Variants in TFDP2 observed in about 807,000 individuals in gnomAD.
The protein encoded by TFDP2 is transcription factor Dp-2 (E2F dimerization partner 2).
TFDP2 carries 17 observed loss-of-function variants against 59.3 expected under a neutral mutation model. The observed-to-expected ratio is 0.29, with a 90% CI of 0.20 to 0.43. The LOEUF (loss-of-function observed/expected upper bound fraction) is 0.43. Ranked by LOEUF, TFDP2 falls within the 20% of genes least tolerant of loss-of-function variation. TFDP2 has a pLI of 1.00. For missense variants in TFDP2, 391 were observed against 528.8 expected (o/e 0.74, Z 2.56); for synonymous variants, 180 against 194.7 (o/e 0.92, Z 0.63).
At chr3:141,966,886 G>A (rs370211716) in intron 9 of TFDP2, among the ~76,000 whole-genome samples, 1 of 143,474 alleles carries the variant, frequency 7.0e-6, no homozygotes, top group African/African-American at 2.6e-5. Flanking sequence ...AAAATCAAGT[G>A]AGCTTAGCCA....
intron 3 of TFDP2, among the ~76,000 whole-genome samples, chr3:142,057,032 G>A (rs1280304602): frequency 6.6e-6 from 1 of 152,206 alleles, no homozygotes; most frequent in African/African-American, 2.4e-5. Flanking sequence ...GCTGATTAGA[G>A]GAGAACTGTG....
At chr3:141,974,275 C>T in intron 7 of TFDP2, 84 bp from the exon 8 acceptor site, 3 of 1,209,550 alleles carry the variant, frequency 2.5e-6, no homozygotes, top group Non-Finnish European at 3.3e-6. Flanking sequence ...ATTAATATTA[C>T]AACTTCAAAG....
intron 9 of TFDP2, 65 bp downstream of exon 9, chr3:141,970,008 A>C: frequency 6.7e-7 from 1 of 1,496,010 alleles, no homozygotes. Context: ...TAGAAAACAC[A>C]CTGACTCCAA....
chr3:142,099,808 A>C (rs2061268899), intron 2 of TFDP2, among the ~76,000 whole-genome samples: 1 of 152,174 alleles, frequency 6.6e-6, no homozygotes, highest in Admixed American at 6.5e-5. Context: ...TCCACTTGGA[A>C]GTTTTTAGGT....
At position 142,058,216 on chromosome 3, in the gene TFDP2, G is replaced by C. The variant is rs181258890; in HGVS notation, c.82+34845C>G. 3.3e-4 allele frequency among the ~76,000 whole-genome samples: 50 copies of C among 150,772 alleles called. No individual in the cohort carries two copies. The East Asian group carries it at 9.4e-3, about 28-fold the overall frequency. ...ATAACTAACCCTCGATATTAAAAGA[G>C]AGAAGCCAGTGATCATACACATAAA... On this transcript the variant is annotated intron_variant, in intron 3 of 12. Transcript: ENST00000489671.
At chr3:142,019,237 T>C (rs1945403862) in intron 3 of TFDP2, among the ~76,000 whole-genome samples, 1 of 152,030 alleles carries the variant, frequency 6.6e-6, no homozygotes, top group Non-Finnish European at 1.5e-5. Context: ...ACTAATTTTG[T>C]ATTTTTAGTA....
chr3:142,016,830 C>T (rs1224719770), intron 3 of TFDP2, among the ~76,000 whole-genome samples: 1 of 152,202 alleles, frequency 6.6e-6, no homozygotes, highest in Non-Finnish European at 1.5e-5. Flanking sequence ...CTTCAAAACT[C>T]TCCAACTGGC....
chr3:142,094,371 C>T (rs913435549), intron 2 of TFDP2, among the ~76,000 whole-genome samples: 2 of 150,064 alleles, frequency 1.3e-5, no homozygotes, highest in Non-Finnish European at 2.9e-5. Flanking sequence ...ATGGCACCAT[C>T]TTGGCTCACT....
At chr3:142,081,787 C>A (rs1276179231) in intron 3 of TFDP2, among the ~76,000 whole-genome samples, 2 of 152,094 alleles carry the variant, frequency 1.3e-5, no homozygotes, top group African/African-American at 4.8e-5. Context: ...ATAAAGTAAT[C>A]CAAAACCTGA....
At chr3:142,086,119 C>G (rs529709967) in intron 3 of TFDP2, among the ~76,000 whole-genome samples, 3 of 152,272 alleles carry the variant, frequency 2.0e-5, no homozygotes, top group African/African-American at 7.2e-5. Context: ...ACCTCCACTT[C>G]TAGTTTTGTC....
chr3:142,014,593 A>T (rs942564736), intron 3 of TFDP2, among the ~76,000 whole-genome samples: 1 of 152,180 alleles, frequency 6.6e-6, no homozygotes, highest in Non-Finnish European at 1.5e-5. Context: ...CATATTAATT[A>T]GTAAGATGCT....
intron 3 of TFDP2, among the ~76,000 whole-genome samples, chr3:142,079,121 G>A (rs1161227371): frequency 2.0e-5 from 3 of 151,924 alleles, no homozygotes; most frequent in African/African-American, 7.3e-5. Flanking sequence ...TGGCCAACCT[G>A]GTGAAGCCCC....
chr3:142,086,282 A>G (rs2060809068), intron 3 of TFDP2, among the ~76,000 whole-genome samples: 1 of 152,180 alleles, frequency 6.6e-6, no homozygotes, highest in African/African-American at 2.4e-5. Flanking sequence ...CTACTAGCAA[A>G]AAATAAATTC....
chr3:142,018,643 C>A (rs1945331296), intron 3 of TFDP2, among the ~76,000 whole-genome samples: 1 of 151,906 alleles, frequency 6.6e-6, no homozygotes. Context: ...CAGGGTCTCA[C>A]CATGTTGCCC....
intron 3 of TFDP2, among the ~76,000 whole-genome samples, chr3:142,089,890 T>C (rs2060943449): frequency 6.6e-6 from 1 of 152,016 alleles, no homozygotes; most frequent in Non-Finnish European, 1.5e-5. Context: ...TATGAAAAAT[T>C]ACAAAAAAGA....
At chr3:142,053,954 A>C (rs2059654053) in intron 3 of TFDP2, among the ~76,000 whole-genome samples, 1 of 152,206 alleles carries the variant, frequency 6.6e-6, no homozygotes, top group African/African-American at 2.4e-5. Context: ...AACTCACTTG[A>C]ATCACTAAAA....
At chr3:142,095,800 G>C (rs1421613097) in intron 2 of TFDP2, among the ~76,000 whole-genome samples, 1 of 152,138 alleles carries the variant, frequency 6.6e-6, no homozygotes, top group Non-Finnish European at 1.5e-5. Context: ...AGATGACAGA[G>C]GCAAAACTTG....
chr3:141,968,330 TATATATA>T (rs1938512364), intron 9 of TFDP2, among the ~76,000 whole-genome samples: 1 of 107,344 alleles, frequency 9.3e-6, no homozygotes, highest in Admixed American at 9.8e-5. Flanking sequence ...TAACATATAA[TATATATA>T]ATATATAACT....
chr3:142,079,082 AG>A (rs2060554618), intron 3 of TFDP2, among the ~76,000 whole-genome samples: 1 of 152,020 alleles, frequency 6.6e-6, no homozygotes, highest in Non-Finnish European at 1.5e-5. Flanking sequence ...GCTTGAAGAC[AG>A]GCTATTTGAA....
Sources: allele counts gnomAD v4.1 joint callset (sites outside exome capture counted in the v4.1 genomes callset), GRCh38; gene constraint gnomAD v4.1.1; transcripts MANE v1.5; gene names NCBI Gene and HGNC (gene_info 2026-07-23, HGNC 2026-07-21).